The following ADSL variants were observed in gnomAD, a reference collection of about 807,000 sequenced individuals.
ADSL encodes adenylosuccinate lyase, also known as adenylosuccinase.
ADSL carries 44 observed loss-of-function variants against 62.1 expected under a neutral mutation model. The ratio of observed to expected loss-of-function variants is 0.71; its 90% CI spans 0.56 to 0.91. The LOEUF is 0.91. Among genes scored for constraint, ADSL ranks in the 40% least tolerant of loss-of-function variants. ADSL has a pLI of 0.00. For synonymous variants in ADSL, 198 were observed against 220.5 expected (o/e 0.90, Z 0.90); for missense variants, 531 against 627.4 (o/e 0.85, Z 1.64).
At chr22:40,369,463 T>C (rs1173924672), downstream of ADSL, 1 of 148,198 alleles carries the variant, frequency 6.7e-6, no homozygotes, top group Admixed American at 6.8e-5. Context: ...ATATATAATA[T>C]ACATTCATAT....
At chr22:40,354,359 C>T (rs1453203153) in intron 4 of ADSL, 32 bp downstream of exon 4, 1 of 1,538,534 alleles carries the variant, frequency 6.5e-7, no homozygotes, top group Non-Finnish European at 9.0e-7. Context: ...TGTTTATGTG[C>T]ATATGGCTTT....
At chr22:40,384,046 C>T (rs145451918) in intron 2 of ADSL, among the ~76,000 whole-genome samples, 138 of 152,220 alleles carry the variant, frequency 9.1e-4, no homozygotes, top group African/African-American at 3.2e-3. Flanking sequence ...TGCAGGAGTT[C>T]AAGACCTTCC....
chr22:40,359,423 AT>A (rs376028329), intron 6 of ADSL, 117 bp downstream of exon 6: 48,013 of 497,168 alleles, frequency 0.097, no homozygotes, highest in South Asian at 0.14. Flanking sequence ...TCTTCTACCC[AT>A]TTTTTTTTTT....
intron 2 of ADSL, among the ~76,000 whole-genome samples, chr22:40,377,668 T>C (rs1016908682): frequency 6.6e-6 from 1 of 151,706 alleles, no homozygotes; most frequent in African/African-American, 2.4e-5. Flanking sequence ...GGAACCTGTC[T>C]CTACAAAAAA....
chr22:40,356,674 G>A (rs2146646532), intron 4 of ADSL, among the ~76,000 whole-genome samples: 1 of 151,882 alleles, frequency 6.6e-6, no homozygotes, highest in African/African-American at 2.4e-5. Context: ...GGGAGACCAT[G>A]GCTCTTAAAA....
At position 40,349,831 on chromosome 22, in the gene ADSL, GA is replaced by G. The variant is rs765158535; in HGVS notation, c.154del (p.Thr52HisfsTer14). 6.2e-7 allele frequency: 1 copy of G among 1,613,646 alleles called. No individual in the cohort carries two copies. Among genetic ancestry groups the G allele is most frequent in the Non-Finnish European group, 8.5e-7 (1 of 1,179,614 alleles). ...TTTATTTTATTTTGCCTATTCTGCA[GA>G]CATTGGGTTTGCCTATCACAGATGA... ...LWLWLAEAEQ[T>X]LGLPITDEQI... is the part of the protein sequence containing the mutation. On this transcript the variant is annotated frameshift_variant and splice_region_variant, in exon 2 of 13. Coordinates refer to ENST00000623063, the MANE Select transcript of ADSL (RefSeq NM_000026.4). LOFTEE classifies it high-confidence loss of function.
Position 40,353,096 on chromosome 22 carries a change from A to G in ADSL, c.381A>G (p.Ala127=), listed in dbSNP as rs774900669. The G allele has an allele frequency of 1.2e-6, 2 of 1,614,018 alleles. No homozygotes were observed. Among genetic ancestry groups the G allele is most frequent in the Non-Finnish European group, 1.7e-6 (2 of 1,179,862 alleles). Residue 127 remains alanine (A), a synonymous_variant, in exon 3 of 13, where the codon GCA becomes GCG. Coordinates refer to ENST00000623063, the MANE Select transcript of ADSL (RefSeq NM_000026.4). The stretch of plus-strand genomic sequence containing the variant: ...AGGACTTGATTATTCTTAGAAATGC[A>G]CTTGACCTGCTTTTGCCAAAGGTAA... The part of the protein sequence containing the change: ...DNTDLIILRN[A]LDLLLPKLAR...
chr22:40,354,119 G>A, intron 3 of ADSL, 129 bp from the exon 4 acceptor site: 1 of 882,922 alleles, frequency 1.1e-6, no homozygotes, highest in Non-Finnish European at 1.9e-6. Context: ...AAGATGGAAG[G>A]ATATGGCTGC....
downstream of ADSL, among the ~76,000 whole-genome samples, chr22:40,373,977 C>T (rs1358066291): frequency 6.6e-6 from 1 of 150,786 alleles, no homozygotes; most frequent in Non-Finnish European, 1.5e-5. Context: ...GAGACGGAGT[C>T]TCCCTCTGTC....
In ADSL at chr22:40,361,352, G is replaced by A. The variant is rs747275092; in HGVS notation, c.862+10G>A. On this transcript the variant is annotated intron_variant, in intron 8 of 12. Transcript: ENST00000623063. ...GAAAAACAGCAGATTGGTGAGTGCT[G>A]TGTAGAGACCTGTGAGCACACATTG... is the stretch of plus-strand genomic sequence containing the variant. 8 of 1,614,084 alleles carry A rather than the reference G, an allele frequency of 5.0e-6. No homozygotes were observed. Among genetic ancestry groups the A allele is most frequent in the South Asian group, 1.1e-5 (1 of 91,086 alleles).
intron 3 of ADSL, 137 bp from the exon 4 acceptor site, chr22:40,354,111 G>T (rs2044457749): frequency 3.5e-6 from 3 of 853,830 alleles, no homozygotes; most frequent in Non-Finnish European, 6.1e-6. Flanking sequence ...AGGGTACAAA[G>T]ATGGAAGGAT....
At chr22:40,376,451 G>T (rs1183018256) in intron 2 of ADSL, 1 of 151,976 alleles carries the variant, frequency 6.6e-6, no homozygotes, top group Non-Finnish European at 1.5e-5. Flanking sequence ...ACTGCACCCG[G>T]CCTGGCTTTA....
chr22:40,349,477 C>T (rs935012909), intron 1 of ADSL, among the ~76,000 whole-genome samples: 9 of 151,226 alleles, frequency 6.0e-5, no homozygotes, highest in East Asian at 1.9e-4. Flanking sequence ...TGGGTTCAAG[C>T]GATTCTCCAA....
In ADSL at chr22:40,361,476, T is replaced by C. The variant is rs1257937304; in HGVS notation, c.863-12T>C. The C allele has an allele frequency of 5.0e-6, 8 of 1,614,076 alleles. No individual in the cohort carries two copies. Among genetic ancestry groups the C allele is most frequent in the Non-Finnish European group, 6.8e-6 (8 of 1,180,050 alleles). On this transcript the variant is annotated splice_polypyrimidine_tract_variant and intron_variant, in intron 8 of 12. Coordinates refer to ENST00000623063, the MANE Select transcript of ADSL (RefSeq NM_000026.4). Reference sequence around the variant, plus strand: ...TCTGCCTTTGCATCTTGTCCTTTTTTTACATGGGCAGGCTCAAGTGCGATG... The same window carrying C: ...TCTGCCTTTGCATCTTGTCCTTTTTCTACATGGGCAGGCTCAAGTGCGATG...
chr22:40,373,528 G>A (rs142009483), downstream of ADSL: 2 of 152,328 alleles, frequency 1.3e-5, no homozygotes, highest in East Asian at 3.9e-4. Context: ...CATGGATCTT[G>A]CCCTCAGGTA....
downstream of ADSL, among the ~76,000 whole-genome samples, chr22:40,371,456 ATTCT>A (rs1228118387): frequency 6.6e-6 from 1 of 152,026 alleles, no homozygotes; most frequent in Non-Finnish European, 1.5e-5. Flanking sequence ...CACCTTTCTT[ATTCT>A]TTCTTAGTAA....
Position 40,381,420 on chromosome 22 carries a change from A to AT in ADSL, c.90-8809dup, listed in dbSNP as rs765397614. 1.0e-3 allele frequency among the ~76,000 whole-genome samples: 157 copies of AT among 152,198 alleles called. 2 individuals carry two copies. The highest frequency in any genetic ancestry group is 3.5e-4 in the Non-Finnish European group (24 of 68,036). On this transcript the variant is annotated intron_variant, in intron 2 of 2. Transcript: ENST00000498234. ...TGCCTTGGCCTTCCAAAGTGCTGGG[A>AT]TAAGAGGAATGAGCCACCATGCCCG...
chr22:40,347,535 C>T (rs1477208486), intron 1 of ADSL, among the ~76,000 whole-genome samples: 4 of 152,278 alleles, frequency 2.6e-5, no homozygotes, highest in Non-Finnish European at 5.9e-5. Context: ...TTGGCAATGC[C>T]CTCTCAAACG....
Position 40,365,030 on chromosome 22 carries a change from T to C in ADSL, c.1342T>C (p.Ser448Pro), listed in dbSNP as rs771121666. 23 of 1,613,966 alleles carry C rather than the reference T, an allele frequency of 1.4e-5. No individual in the cohort carries two copies. The highest frequency in any genetic ancestry group is 1.9e-5 in the Non-Finnish European group (23 of 1,180,004). ...SQLDHLLDPS[S>P]FTGRASQQVQ... is the part of the protein sequence containing the mutation. The stretch of plus-strand genomic sequence containing the variant: ...GTTGGATCATTTACTGGATCCTTCT[T>C]CTTTCACTGGTCGTGCCTCCCAGCA... Residue 448 changes from serine (S) to proline (P), a missense_variant, in exon 12 of 13, where the codon TCT (serine) becomes CCT (proline). Around this residue, in one of 2 missense-constraint regions of ADSL, gnomAD observed 471 missense variants for 592.9 expected, o/e 0.79. Coordinates refer to ENST00000623063, the MANE Select transcript of ADSL (RefSeq NM_000026.4).
Sources: allele counts gnomAD v4.1 joint callset (sites outside exome capture counted in the v4.1 genomes callset), GRCh38; gene constraint gnomAD v4.1.1; regional missense constraint gnomAD v4.1.1; transcripts MANE v1.5; gene names NCBI Gene and HGNC (gene_info 2026-07-23, HGNC 2026-07-21).